CNTNAP2: variants seen among roughly 807,000 people sequenced by gnomAD.
CNTNAP2 encodes contactin associated protein 2, also known as contactin-associated protein-like 2.
A neutral mutation model predicts 155.2 loss-of-function variants in CNTNAP2; 98 were observed. That is an observed-to-expected ratio of 0.63 (90% CI 0.54 to 0.75). The LOEUF is 0.75. Among genes scored for constraint, CNTNAP2 ranks in the 30% least tolerant of loss-of-function variants. The probability of loss-of-function intolerance (pLI) is 0.00; values close to 1 mark genes in which losing one functional copy is unlikely to be tolerated. For missense variants in CNTNAP2, 1,727 were observed against 1,688.1 expected, an observed-to-expected ratio of 1.02 and a Z score of -0.40; for synonymous variants, 651 against 631.2, an observed-to-expected ratio of 1.03 and a Z score of -0.47.
chr7:146,643,611 T>G (rs1799753329), intron 1 of CNTNAP2, among the ~76,000 whole-genome samples: 1 of 152,188 alleles, frequency 6.6e-6, no homozygotes, highest in Admixed American at 6.5e-5. Flanking sequence ...CCAGCTTTGT[T>G]CTTTTGGCTT....
At chr7:146,876,952 A>G (rs528400004) in intron 3 of CNTNAP2, among the ~76,000 whole-genome samples, 87 of 152,226 alleles carry the variant, frequency 5.7e-4, no homozygotes, top group African/African-American at 2.0e-3. Flanking sequence ...ATATTTCACT[A>G]TTTAGGTTAT....
intron 21 of CNTNAP2, among the ~76,000 whole-genome samples, chr7:148,271,002 T>C (rs1297712210): frequency 6.6e-6 from 1 of 152,222 alleles, no homozygotes; most frequent in African/African-American, 2.4e-5. Context: ...GTGCCTAGTA[T>C]ACAGAAAGGG....
rs1183545110 is a variant in CNTNAP2 at position 148,217,533 on chromosome 7, A to G, written c.3247+9A>G. The G allele has an allele frequency of 6.2e-7, 1 of 1,612,356 alleles. No individual in the cohort carries two copies. Among genetic ancestry groups the G allele is most frequent in the East Asian group, 2.2e-5 (1 of 44,862 alleles). On this transcript the variant is annotated intron_variant, in intron 19 of 23. Coordinates refer to ENST00000361727, the MANE Select transcript of CNTNAP2 (RefSeq NM_014141.6). ...CCTCGTCAAACCCACTGGTAAGGAC[A>G]AGGATACCCAGCCTCTGCCATTTAA...
intron 1 of CNTNAP2, among the ~76,000 whole-genome samples, chr7:146,487,084 A>G (rs1797068953): frequency 6.6e-6 from 1 of 152,218 alleles, no homozygotes; most frequent in Admixed American, 6.5e-5. Context: ...ATTCGCTAGG[A>G]CCCACATTCT....
At chr7:147,679,909 G>A (rs1264505876) in intron 13 of CNTNAP2, among the ~76,000 whole-genome samples, 3 of 151,556 alleles carry the variant, frequency 2.0e-5, no homozygotes, top group Non-Finnish European at 2.9e-5. Context: ...CAAAGTAAAT[G>A]TTTAAAATAT....
chr7:146,301,998 C>T (rs1249300442), intron 1 of CNTNAP2, among the ~76,000 whole-genome samples: 7 of 152,146 alleles, frequency 4.6e-5, no homozygotes, highest in African/African-American at 1.4e-4. Context: ...TCTTCTTCCA[C>T]TCTTTCTGAA....
chr7:147,045,933 T>C (rs1799348804), intron 4 of CNTNAP2, among the ~76,000 whole-genome samples: 1 of 152,120 alleles, frequency 6.6e-6, no homozygotes, highest in African/African-American at 2.4e-5. Context: ...TTTATTTTAT[T>C]AGCAATTATT....
intron 9 of CNTNAP2, among the ~76,000 whole-genome samples, chr7:147,358,672 C>G (rs911652634): frequency 2.0e-5 from 3 of 151,848 alleles, no homozygotes; most frequent in Non-Finnish European, 4.4e-5. Flanking sequence ...AGCATTTTCT[C>G]CTAATTAAAA....
chr7:148,358,684 G>A (rs572798499), intron 21 of CNTNAP2, among the ~76,000 whole-genome samples: 34 of 152,278 alleles, frequency 2.2e-4, no homozygotes, highest in South Asian at 6.2e-4. Flanking sequence ...TTTCAAGCGC[G>A]TAATCAGGAA....
chr7:146,484,585 C>T (rs1797026904), intron 1 of CNTNAP2, among the ~76,000 whole-genome samples: 1 of 149,946 alleles, frequency 6.7e-6, no homozygotes, highest in Non-Finnish European at 1.5e-5. Context: ...TAGGAATAGA[C>T]AAAAAAGACA....
intron 3 of CNTNAP2, among the ~76,000 whole-genome samples, chr7:146,958,891 C>A (rs979714590): frequency 1.3e-5 from 2 of 152,162 alleles, no homozygotes; most frequent in East Asian, 3.9e-4. Flanking sequence ...TAGAAATCCT[C>A]TTCTTATCAT....
rs1226380945 is a variant in CNTNAP2, at chr7:148,365,778, A to G, written c.3476-17871A>G. 1.4e-4 allele frequency among the ~76,000 whole-genome samples: 12 copies of G among 88,188 alleles called. 5 individuals carry two copies. The highest frequency in any genetic ancestry group is 6.2e-4 in the African/African-American group (12 of 19,450). 57.9% of individuals were successfully genotyped at this position (88,188 alleles called of 152,430 possible). A position where few individuals can be genotyped will look rare whatever the true frequency, so the allele number is the denominator to read the frequency against. On this transcript the variant is annotated intron_variant, in intron 21 of 23. Transcript: ENST00000361727. ...TGTATGTGTATACGTGTATACATGT[A>G]TGTGTATGCATGTATACATGCATGT...
chr7:146,587,839 T>C (rs140984784), intron 1 of CNTNAP2, among the ~76,000 whole-genome samples: 84 of 152,136 alleles, frequency 5.5e-4, no homozygotes, highest in Non-Finnish European at 9.7e-4. Flanking sequence ...CATGCCTGGC[T>C]AATTTTTATG....
At chr7:146,191,089 A>C (rs1260138420) in intron 1 of CNTNAP2, among the ~76,000 whole-genome samples, 1 of 150,898 alleles carries the variant, frequency 6.6e-6, no homozygotes, top group Non-Finnish European at 1.5e-5. Context: ...ACCCCCAATA[A>C]TTCAATGTAG....
chr7:147,899,123 T>G (rs1051765353), intron 13 of CNTNAP2, among the ~76,000 whole-genome samples: 1 of 152,176 alleles, frequency 6.6e-6, no homozygotes, highest in Non-Finnish European at 1.5e-5. Flanking sequence ...GTGAATCACT[T>G]GAGCCCAAAA....
At chr7:147,822,069 G>A (rs1006738166) in intron 13 of CNTNAP2, among the ~76,000 whole-genome samples, 2 of 152,090 alleles carry the variant, frequency 1.3e-5, no homozygotes, top group African/African-American at 4.8e-5. Flanking sequence ...CAGAGAAACT[G>A]TCCGCTAGAT....
intron 9 of CNTNAP2, among the ~76,000 whole-genome samples, chr7:147,365,360 G>A (rs1796210237): frequency 7.8e-6 from 1 of 128,776 alleles, no homozygotes; most frequent in South Asian, 2.5e-4. Flanking sequence ...GGGCAGCAGA[G>A]GAGAGACACT....
At chr7:147,621,830 T>TA (rs1300312202) in intron 12 of CNTNAP2, among the ~76,000 whole-genome samples, 1 of 151,718 alleles carries the variant, frequency 6.6e-6, no homozygotes, top group Non-Finnish European at 1.5e-5. Context: ...ACAGAAGACA[T>TA]ACAGTAGCTG....
chr7:147,562,122 A>G lies in CNTNAP2; in HGVS notation c.1778-16A>G. 1 of 1,613,806 alleles carries G rather than the reference A, an allele frequency of 6.2e-7. No individual in the cohort carries two copies. Among genetic ancestry groups the G allele is most frequent in the South Asian group, 1.1e-5 (1 of 91,078 alleles). On this transcript the variant is annotated splice_polypyrimidine_tract_variant and intron_variant, in intron 11 of 23. Coordinates refer to ENST00000361727, the MANE Select transcript of CNTNAP2 (RefSeq NM_014141.6). ...GTTCTGTGCTGTGCTTATGTAGGAT[A>G]TTTTGTTTGTTCTAGCTATCTACGA...
Sources: allele counts gnomAD v4.1 joint callset (sites outside exome capture counted in the v4.1 genomes callset), GRCh38; gene constraint gnomAD v4.1.1; transcripts MANE v1.5; gene names NCBI Gene and HGNC (gene_info 2026-07-23, HGNC 2026-07-21).